Variants in ABI2 observed in about 807,000 individuals in gnomAD.
ABI2 encodes the protein abl interactor 2.
In ABI2, 25 loss-of-function variants were observed where a neutral mutation model predicts 59.2. The observed-to-expected ratio is 0.42, with a 90% CI of 0.31 to 0.59. ABI2 has a LOEUF of 0.59. Ranked by LOEUF, ABI2 falls within the 20% of genes least tolerant of loss-of-function variation. ABI2 has a pLI of 0.14. For missense variants in ABI2, 545 were observed against 681.8 expected (o/e 0.80, Z 2.23); for synonymous variants, 213 against 235.5 (o/e 0.90, Z 0.87).
intron 1 of ABI2, among the ~76,000 whole-genome samples, chr2:203,362,346 T>A (rs1290407171): frequency 6.6e-6 from 1 of 152,210 alleles, no homozygotes; most frequent in Admixed American, 6.5e-5. Flanking sequence ...ATATTTATTT[T>A]CTTTTAATAA....
chr2:203,405,779 G>T (rs2097400449), intron 9 of ABI2, among the ~76,000 whole-genome samples: 1 of 152,090 alleles, frequency 6.6e-6, no homozygotes, highest in Admixed American at 6.6e-5. Flanking sequence ...ACAATCTTTG[G>T]AAGGTTTCAT....
intron 4 of ABI2, among the ~76,000 whole-genome samples, chr2:203,388,071 A>C (rs561031813): frequency 5.9e-5 from 9 of 152,194 alleles, no homozygotes; most frequent in Non-Finnish European, 1.2e-4. Context: ...CTATTATAAA[A>C]ATTGTTTTGT....
intron 9 of ABI2, among the ~76,000 whole-genome samples, chr2:203,407,881 C>T (rs2153480192): frequency 6.6e-6 from 1 of 152,292 alleles, no homozygotes; most frequent in South Asian, 2.1e-4. Context: ...GGTTTGTTTT[C>T]AGCTCAACTC....
At chr2:203,427,134 T>G (rs750703023) in intron 11 of ABI2, 43 bp from the exon 12 acceptor site, 1 of 1,566,250 alleles carries the variant, frequency 6.4e-7, no homozygotes, top group South Asian at 1.1e-5. Flanking sequence ...TTTCTAGGAA[T>G]ATTACTGTCT....
In ABI2 at chr2:203,430,096, G is replaced by A. The variant is rs2098470541; in HGVS notation, c.*2744G>A. The A allele has an allele frequency of 6.6e-6, 1 of 152,114 alleles. No individual in the cohort carries two copies. The highest frequency in any genetic ancestry group is 2.1e-4 in the South Asian group (1 of 4,828). The allele number at this position is 152,114 out of a possible 1,614,324, so 9.4% of individuals were successfully genotyped here. On this transcript the variant is annotated 3_prime_UTR_variant, in exon 12 of 12. Coordinates refer to ENST00000261018, the MANE Select transcript of ABI2 (RefSeq NM_001375670.1). The stretch of plus-strand genomic sequence containing the variant: ...GTCTTGGAAGGATACTGTGTGATGG[G>A]TCAGGCACACAGTAATTGGAGACTT...
intron 2 of ABI2, among the ~76,000 whole-genome samples, chr2:203,379,828 A>G (rs2095992192): frequency 6.6e-6 from 1 of 152,220 alleles, no homozygotes; most frequent in African/African-American, 2.4e-5. Context: ...TAAAGCCTAG[A>G]CAGATAAGCA....
chr2:203,376,554 A>G (rs950385328), intron 2 of ABI2, among the ~76,000 whole-genome samples: 1 of 152,192 alleles, frequency 6.6e-6, no homozygotes, highest in Non-Finnish European at 1.5e-5. Context: ...TTTTTAAAGA[A>G]TTTAATCCTG....
chr2:203,331,205 G>A (rs1226903622), intron 1 of ABI2, among the ~76,000 whole-genome samples: 1 of 152,070 alleles, frequency 6.6e-6, no homozygotes, highest in Non-Finnish European at 1.5e-5. Flanking sequence ...TGTTGGGAAA[G>A]TTGATAAATA....
intron 2 of ABI2, among the ~76,000 whole-genome samples, chr2:203,376,639 C>T (rs2095702565): frequency 6.6e-6 from 1 of 151,958 alleles, no homozygotes; most frequent in South Asian, 2.1e-4. Context: ...CCTTCTCTCC[C>T]TGGAGGCTTA....
At chr2:203,424,832 C>G (rs1205399317) in intron 11 of ABI2, among the ~76,000 whole-genome samples, 1 of 152,148 alleles carries the variant, frequency 6.6e-6, no homozygotes, top group Admixed American at 6.6e-5. Context: ...TATAAACAGT[C>G]TCTGGAATCA....
rs1200173983 is a variant in ABI2 at position 203,428,608 on chromosome 2, A to G, written c.*1256A>G. ...GATAAAAATTAATATAACTGACACAATAAAACACATTTCCCCCATCTGTAC... is the reference window on the plus strand; with the variant it reads ...GATAAAAATTAATATAACTGACACAGTAAAACACATTTCCCCCATCTGTAC... On this transcript the variant is annotated 3_prime_UTR_variant, in exon 12 of 12. Coordinates refer to ENST00000261018, the MANE Select transcript of ABI2 (RefSeq NM_001375670.1). The G allele has an allele frequency of 6.6e-6, 1 of 152,510 alleles. No individual in the cohort carries two copies. Among genetic ancestry groups the G allele is most frequent in the Non-Finnish European group, 1.5e-5 (1 of 68,044 alleles). 9.4% of individuals were successfully genotyped at this position (152,510 alleles called of 1,614,324 possible).
Position 203,391,074 on chromosome 2 carries a change from G to A in ABI2, c.509G>A (p.Gly170Glu). 1.2e-6 allele frequency: 2 copies of A among 1,613,852 alleles called. No individual in the cohort carries two copies. Among genetic ancestry groups the A allele is most frequent in the Non-Finnish European group, 1.7e-6 (2 of 1,179,910 alleles). Residue 170 changes from glycine to glutamate, a missense_variant, in exon 5 of 12, where the codon GGG becomes GAG. Gly to Glu is a moderately conservative substitution (Grantham distance 98, BLOSUM62 -2). Coordinates refer to ENST00000261018, the MANE Select transcript of ABI2 (RefSeq NM_001375670.1). ...AGTACCCAGAACATGAAGATGGGTG[G>A]GCTGCCGCGTACAACACCTCCAACT... Reference protein sequence around the residue: ...KVSTQNMKMGGLPRTTPPTQK... With the variant: ...KVSTQNMKMGELPRTTPPTQK...
chr2:203,426,373 T>C (rs2098424973), intron 11 of ABI2, among the ~76,000 whole-genome samples: 2 of 152,152 alleles, frequency 1.3e-5, no homozygotes, highest in South Asian at 4.1e-4. Flanking sequence ...ACTGTTGAAA[T>C]TGATATAATA....
At chr2:203,335,640 C>T (rs1396511184) in intron 1 of ABI2, among the ~76,000 whole-genome samples, 2 of 152,104 alleles carry the variant, frequency 1.3e-5, no homozygotes, top group African/African-American at 4.8e-5. Flanking sequence ...TTTTTGGTGA[C>T]ATTTATGTTC....
Position 203,345,056 on chromosome 2 carries a change from C to A in ABI2, c.117+16425C>A, listed in dbSNP as rs532141728. ...GCCGGAGCCCGCAGTGGCAACCCGCCGGGGTCCTCTTCCATGCTGTGGAAG... is the reference window on the plus strand; with the variant it reads ...GCCGGAGCCCGCAGTGGCAACCCGCAGGGGTCCTCTTCCATGCTGTGGAAG... On this transcript the variant is annotated intron_variant, in intron 1 of 11. Coordinates refer to ENST00000261018, the MANE Select transcript of ABI2 (RefSeq NM_001375670.1). Among the ~76,000 whole-genome samples, 6 of 152,252 alleles carry A rather than the reference C, an allele frequency of 3.9e-5. No individual in the cohort carries two copies. In the East Asian group the frequency reaches 1.2e-3, roughly 29 times the overall value.
At chr2:203,348,787 A>G (rs2085452624) in intron 1 of ABI2, among the ~76,000 whole-genome samples, 1 of 151,794 alleles carries the variant, frequency 6.6e-6, no homozygotes, top group Non-Finnish European at 1.5e-5. Context: ...ATCTGTCTCC[A>G]GAGTGGTACA....
At chr2:203,375,582 A>G (rs2095626609) in intron 2 of ABI2, among the ~76,000 whole-genome samples, 1 of 152,206 alleles carries the variant, frequency 6.6e-6, no homozygotes, top group Non-Finnish European at 1.5e-5. Context: ...TGTGAATTTG[A>G]TGTAGGAAAA....
chr2:203,423,298 G>A (rs892674236), intron 11 of ABI2, among the ~76,000 whole-genome samples: 1 of 152,194 alleles, frequency 6.6e-6, no homozygotes, highest in African/African-American at 2.4e-5. Context: ...TAGGCCTTGT[G>A]TTAGGCGCTA....
rs1458575125 is a variant in ABI2 at position 203,394,861 on chromosome 2, T to A, written c.725+15T>A. ...CGAACTTACAGGTATTTTCTCTACC[T>A]CAGTGCAAAATGTGATGGTCATAGT... is the stretch of plus-strand genomic sequence containing the variant. On this transcript the variant is annotated intron_variant, in intron 6 of 11. Transcript: ENST00000261018. 2 of 1,613,496 alleles carry A rather than the reference T, an allele frequency of 1.2e-6. No homozygotes were observed. Among genetic ancestry groups the A allele is most frequent in the South Asian group, 2.2e-5 (2 of 91,036 alleles).
Sources: gnomAD v4.1 joint callset for allele counts (sites outside exome capture counted in the v4.1 genomes callset) on GRCh38, gnomAD v4.1.1 for gene constraint, MANE v1.5 for transcripts, NCBI Gene and HGNC (gene_info 2026-07-23, HGNC 2026-07-21) for gene names.